Variants in FBLN2 observed in about 807,000 individuals in gnomAD.
FBLN2 encodes fibulin 2.
Under a neutral mutation model 123.7 loss-of-function variants are expected in FBLN2, and 81 were observed. That is an observed-to-expected ratio of 0.65 (90% CI 0.55 to 0.79). The LOEUF is 0.79. FBLN2 is among the 30% of genes least tolerant of loss of function. The pLI, the probability that FBLN2 is intolerant of heterozygous loss-of-function variation, is 0.00. For missense variants in FBLN2, 1,603 were observed against 1,681.3 expected, an observed-to-expected ratio of 0.95 and a Z score of 0.81; for synonymous variants, 699 against 701.4, an observed-to-expected ratio of 1.00 and a Z score of 0.05.
chr3:13,599,844 G>T (rs1704965416), intron 2 of FBLN2, among the ~76,000 whole-genome samples: 1 of 151,616 alleles, frequency 6.6e-6, no homozygotes, highest in South Asian at 2.1e-4. Context: ...CATCTGGGGT[G>T]GTTTCTTGGC....
chr3:13,600,213 C>G (rs1574972523), intron 2 of FBLN2, among the ~76,000 whole-genome samples: 1 of 152,172 alleles, frequency 6.6e-6, no homozygotes, highest in East Asian at 1.9e-4. Context: ...GATGAGGGTA[C>G]TCACTCATCG....
chr3:13,597,336 G>A (rs1290668130), intron 2 of FBLN2, among the ~76,000 whole-genome samples: 1 of 152,186 alleles, frequency 6.6e-6, no homozygotes, highest in Non-Finnish European at 1.5e-5. Flanking sequence ...AGTTCAGGAA[G>A]TGTCCACATG....
At chr3:13,605,702 C>T (rs1363304283) in intron 2 of FBLN2, among the ~76,000 whole-genome samples, 2 of 152,168 alleles carry the variant, frequency 1.3e-5, no homozygotes, top group Non-Finnish European at 2.9e-5. Flanking sequence ...TGAGGACTTC[C>T]CTGGCACAGA....
intron 2 of FBLN2, among the ~76,000 whole-genome samples, chr3:13,603,689 G>A (rs77662141): frequency 0.6 from 91,763 of 151,904 alleles, 29,160 homozygotes; most frequent in African/African-American, 0.81. Flanking sequence ...TAGTGCTGCA[G>A]TAAATATACG....
chr3:13,590,202 T>C (rs1263641281), intron 2 of FBLN2, among the ~76,000 whole-genome samples: 1 of 152,172 alleles, frequency 6.6e-6, no homozygotes, highest in Non-Finnish European at 1.5e-5. Flanking sequence ...AGAGATGGGG[T>C]CTACCTATGT....
intron 8 of FBLN2, among the ~76,000 whole-genome samples, chr3:13,620,747 G>A (rs1476301499): frequency 2.6e-5 from 4 of 152,230 alleles, no homozygotes; most frequent in African/African-American, 9.6e-5. Flanking sequence ...CCTGGTGGGT[G>A]TCTGGGGGAG....
chr3:13,619,313 C>T (rs777935359), intron 7 of FBLN2, among the ~76,000 whole-genome samples: 12 of 152,292 alleles, frequency 7.9e-5, no homozygotes, highest in South Asian at 2.1e-4. Flanking sequence ...CCTGGTTTGC[C>T]GACCTGTTGT....
rs549826505 is a variant in FBLN2 at position 13,588,344 on chromosome 3, C to T, written c.1306+16683C>T. On this transcript the variant is annotated intron_variant, in intron 2 of 17. Coordinates refer to ENST00000404922, the MANE Select transcript of FBLN2 (RefSeq NM_001004019.2). ...ACACTCTTATGTCCTCACACGATGA[C>T]GACACCACCTAACCACGCATTTCTC... 1.2e-4 allele frequency among the ~76,000 whole-genome samples: 19 copies of T among 152,354 alleles called. No individual in the cohort carries two copies. The South Asian group carries it at 2.5e-3, about 20-fold the overall frequency.
chr3:13,592,743 A>T (rs1704715871), intron 2 of FBLN2, among the ~76,000 whole-genome samples: 1 of 152,176 alleles, frequency 6.6e-6, no homozygotes, highest in African/African-American at 2.4e-5. Flanking sequence ...TTTTAATACT[A>T]TTGCAAATTG....
intron 2 of FBLN2, among the ~76,000 whole-genome samples, chr3:13,600,046 C>A (rs35495501): frequency 0.43 from 54,255 of 126,088 alleles, 10,717 homozygotes; most frequent in Non-Finnish European, 0.45. Flanking sequence ...AGAGAGAGAG[C>A]GAGAGAGAGA....
chr3:13,591,036 G>T (rs1704658921), intron 2 of FBLN2, among the ~76,000 whole-genome samples: 1 of 152,248 alleles, frequency 6.6e-6, no homozygotes, highest in African/African-American at 2.4e-5. Flanking sequence ...ATGCATGAGA[G>T]TTCCATTTGC....
At position 13,629,842 on chromosome 3, in the gene FBLN2, G is replaced by T; in HGVS notation, c.2865G>T (p.Ser955=). Residue 955 remains serine, a synonymous_variant, in exon 14 of 18, where the codon TCG becomes TCT. Transcript: ENST00000404922. ...CAGACGTGAATGAGTGCTGGGCCTC[G>T]CCAGGCCGCCTGTGCCAGCACACGT... is the stretch of plus-strand genomic sequence containing the variant. ...GCIDVNECWA[S]PGRLCQHTCE... is the part of the protein sequence containing the mutation. The T allele has an allele frequency of 1.3e-6, 2 of 1,580,828 alleles. No homozygotes were observed. The highest frequency in any genetic ancestry group is 1.3e-5 in the African/African-American group (1 of 74,202).
intron 2 of FBLN2, among the ~76,000 whole-genome samples, chr3:13,586,206 A>G (rs1704492667): frequency 6.6e-6 from 1 of 151,944 alleles, no homozygotes; most frequent in Admixed American, 6.6e-5. Context: ...TTTTTTTGAG[A>G]TGGATTCTCG....
intron 2 of FBLN2, among the ~76,000 whole-genome samples, chr3:13,606,540 A>G (rs779549183): frequency 1.3e-4 from 20 of 152,258 alleles, no homozygotes; most frequent in Non-Finnish European, 2.4e-4. Flanking sequence ...AAGAATCCAC[A>G]TGTAACTTTT....
Position 13,551,990 on chromosome 3 carries a change from G to A in FBLN2, c.-42+2782G>A, listed in dbSNP as rs191858936. Among the ~76,000 whole-genome samples, 21 of 152,068 alleles carry A rather than the reference G, an allele frequency of 1.4e-4. No homozygotes were observed. The East Asian group carries it at 2.5e-3, about 18-fold the overall frequency. On this transcript the variant is annotated intron_variant, in intron 1 of 17. Transcript: ENST00000404922. The stretch of plus-strand genomic sequence containing the variant: ...CTCCCAAGTAGTTGGGACTACAGAC[G>A]CACACCAGCCAGCTAATTTTCTATT...
intron 9 of FBLN2, 110 bp downstream of exon 9, chr3:13,622,025 C>A: frequency 7.8e-7 from 1 of 1,278,810 alleles, no homozygotes; most frequent in Non-Finnish European, 1.1e-6. Context: ...TGCATGTGAG[C>A]TCTCAGCACA....
At chr3:13,601,163 T>C (rs1045582169) in intron 2 of FBLN2, among the ~76,000 whole-genome samples, 1 of 152,238 alleles carries the variant, frequency 6.6e-6, no homozygotes, top group African/African-American at 2.4e-5. Context: ...AGCGCTGCTA[T>C]ATTTCAGCTG....
intron 1 of FBLN2, among the ~76,000 whole-genome samples, chr3:13,553,065 A>G (rs948695295): frequency 1.3e-5 from 2 of 152,160 alleles, no homozygotes; most frequent in African/African-American, 4.8e-5. Flanking sequence ...TGGCGCAGGC[A>G]CTGTGATATG....
At chr3:13,600,955 G>A (rs1050513337) in intron 2 of FBLN2, among the ~76,000 whole-genome samples, 2 of 152,174 alleles carry the variant, frequency 1.3e-5, no homozygotes, top group African/African-American at 4.8e-5. Context: ...GTGAAATTGT[G>A]ACGTGTATGT....
Sources: allele counts gnomAD v4.1 joint callset (sites outside exome capture counted in the v4.1 genomes callset), GRCh38; gene constraint gnomAD v4.1.1; transcripts MANE v1.5; gene names NCBI Gene and HGNC (gene_info 2026-07-23, HGNC 2026-07-21).